The following RORA variants were observed in gnomAD, a reference collection of about 807,000 sequenced individuals.
The protein encoded by RORA is nuclear receptor ROR-alpha.
Under a neutral mutation model 69.5 loss-of-function variants are expected in RORA, and 7 were observed. That is an observed-to-expected ratio of 0.10 (90% CI 0.06 to 0.19). The LOEUF (loss-of-function observed/expected upper bound fraction) is 0.19. Among genes scored for constraint, RORA ranks in the 10% least tolerant of loss-of-function variants. The probability of loss-of-function intolerance (pLI) is 1.00; values close to 1 mark genes in which losing one functional copy is unlikely to be tolerated. For synonymous variants in RORA, 261 were observed against 240.8 expected (o/e 1.08, Z -0.78); for missense variants, 457 against 663.0 (o/e 0.69, Z 3.41).
chr15:60,575,578 G>C (rs1196057961), intron 2 of RORA, among the ~76,000 whole-genome samples: 1 of 152,084 alleles, frequency 6.6e-6, no homozygotes, highest in Non-Finnish European at 1.5e-5. Context: ...CCTTTGGTAA[G>C]CTTTTTATTG....
At chr15:60,803,699 A>T (rs1177165756) in intron 1 of RORA, among the ~76,000 whole-genome samples, 1 of 152,164 alleles carries the variant, frequency 6.6e-6, no homozygotes, top group Non-Finnish European at 1.5e-5. Flanking sequence ...CTTCTCTGGC[A>T]TTCTGTGACT....
chr15:61,187,177 T>A (rs1006004434), intron 1 of RORA, among the ~76,000 whole-genome samples: 2 of 152,252 alleles, frequency 1.3e-5, no homozygotes, highest in Non-Finnish European at 2.9e-5. Flanking sequence ...AGTTATTAAT[T>A]AGTTTTATTA....
chr15:61,081,978 T>C (rs2078549049), intron 1 of RORA, among the ~76,000 whole-genome samples: 1 of 152,096 alleles, frequency 6.6e-6, no homozygotes, highest in Non-Finnish European at 1.5e-5. Context: ...AGCCCATATT[T>C]AGGGTTTCGG....
intron 1 of RORA, among the ~76,000 whole-genome samples, chr15:60,743,955 G>A (rs2071613056): frequency 6.6e-6 from 1 of 152,108 alleles, no homozygotes; most frequent in African/African-American, 2.4e-5. Context: ...AAGACCATTT[G>A]GTTGGTTTCC....
chr15:60,779,954 A>G (rs1026853302), intron 1 of RORA, among the ~76,000 whole-genome samples: 11 of 152,124 alleles, frequency 7.2e-5, no homozygotes, highest in African/African-American at 2.7e-4. Context: ...CCTCATTTGG[A>G]TATGTGTTTT....
intron 1 of RORA, among the ~76,000 whole-genome samples, chr15:60,818,949 G>C (rs2072852159): frequency 6.6e-6 from 1 of 152,134 alleles, no homozygotes; most frequent in African/African-American, 2.4e-5. Context: ...AAGGCCAAGA[G>C]GCATGTTGAA....
chr15:60,920,251 T>A (rs888608945), intron 1 of RORA, among the ~76,000 whole-genome samples: 1 of 152,220 alleles, frequency 6.6e-6, no homozygotes, highest in Non-Finnish European at 1.5e-5. Context: ...GAATCAGCCA[T>A]TTTATCTTCC....
At chr15:61,118,317 A>G (rs1193076456) in intron 1 of RORA, among the ~76,000 whole-genome samples, 1 of 152,164 alleles carries the variant, frequency 6.6e-6, no homozygotes, top group East Asian at 1.9e-4. Context: ...TCGTAAGATA[A>G]AGCCCGGTAA....
chr15:61,043,151 A>T (rs1382380539), intron 1 of RORA, among the ~76,000 whole-genome samples: 1 of 152,224 alleles, frequency 6.6e-6, no homozygotes, highest in Non-Finnish European at 1.5e-5. Flanking sequence ...TGCAATTATC[A>T]TTCCCATTTT....
At chr15:60,674,374 G>T (rs1220071166) in intron 2 of RORA, among the ~76,000 whole-genome samples, 2 of 152,084 alleles carry the variant, frequency 1.3e-5, no homozygotes. Flanking sequence ...CAACTTGTTG[G>T]GTTCATTTTG....
intron 1 of RORA, chr15:61,211,763 C>T (rs987580213): frequency 4.6e-5 from 7 of 152,192 alleles, no homozygotes; most frequent in African/African-American, 9.7e-5. Context: ...TATTTGGATC[C>T]GAATTGTTTT....
chr15:60,955,974 A>G (rs1221401599), intron 1 of RORA, among the ~76,000 whole-genome samples: 1 of 152,250 alleles, frequency 6.6e-6, no homozygotes, highest in East Asian at 1.9e-4. Flanking sequence ...GAAAACAGTT[A>G]GAAAATAATG....
At chr15:61,086,838 G>A (rs751800392) in intron 1 of RORA, among the ~76,000 whole-genome samples, 1 of 152,012 alleles carries the variant, frequency 6.6e-6, no homozygotes. Context: ...TATTATCTAT[G>A]GCACTTCTAT....
intron 2 of RORA, among the ~76,000 whole-genome samples, chr15:60,542,468 C>CGGCACACAGGCGCACCTCACACACAG (rs2066905343): frequency 7.2e-6 from 1 of 138,442 alleles, no homozygotes; most frequent in African/African-American, 3.4e-5. Flanking sequence ...ACCTCACACA[C>CGGCACACAGGCGCACCTCACACACAG]ACGGCACACA....
At chr15:60,627,165 T>G in intron 2 of RORA, 42 of 1,318,752 alleles carry the variant, frequency 3.2e-5, no homozygotes, top group Non-Finnish European at 4.3e-5. Flanking sequence ...AAGCCAGACA[T>G]TGGGTTGTGG....
chr15:61,123,182 T>C (rs2079117571), intron 1 of RORA, among the ~76,000 whole-genome samples: 1 of 152,122 alleles, frequency 6.6e-6, no homozygotes. Context: ...CTCACTCTTC[T>C]GTCTCAGCTC....
intron 1 of RORA, among the ~76,000 whole-genome samples, chr15:61,041,408 A>G (rs2033734): frequency 0.28 from 42,517 of 151,796 alleles, 7,368 homozygotes; most frequent in East Asian, 0.59. Flanking sequence ...AGCAGGAAGG[A>G]AGGCAGTAAG....
At position 60,564,011 on chromosome 15, in the gene RORA, T is replaced by G. The variant is rs1228736753; in HGVS notation, c.197-32160A>C. Among the ~76,000 whole-genome samples, 3 of 152,222 alleles carry G rather than the reference T, an allele frequency of 2.0e-5. No individual in the cohort carries two copies. The East Asian group carries it at 5.8e-4, about 29-fold the overall frequency. On this transcript the variant is annotated intron_variant, in intron 2 of 10. Coordinates refer to ENST00000335670, the MANE Select transcript of RORA (RefSeq NM_134261.3). ...CATGGGCTGCTTGACTTGAGCACAC[T>G]TCTCACTACATACTTCATTTTATTA...
intron 2 of RORA, among the ~76,000 whole-genome samples, chr15:60,538,760 C>T (rs1433849116): frequency 1.3e-5 from 2 of 151,868 alleles, no homozygotes; most frequent in Non-Finnish European, 2.9e-5. Context: ...GGCACGATTC[C>T]CACTTGTTAA....
Sources: allele counts gnomAD v4.1 joint callset (sites outside exome capture counted in the v4.1 genomes callset), GRCh38; gene constraint gnomAD v4.1.1; transcripts MANE v1.5; gene names NCBI Gene and HGNC (gene_info 2026-07-23, HGNC 2026-07-21).